SGCG: variants seen among roughly 807,000 people sequenced by gnomAD.
The protein encoded by SGCG is sarcoglycan gamma.
A neutral mutation model predicts 29.3 loss-of-function variants in SGCG; 26 were observed. That is an observed-to-expected ratio of 0.89 (90% CI 0.65 to 1.23). The LOEUF is 1.23. Ranked by LOEUF, SGCG falls within the 50% of genes most tolerant of loss-of-function variation. The probability of loss-of-function intolerance (pLI) is 0.00; values close to 1 mark genes in which losing one functional copy is unlikely to be tolerated. For synonymous variants in SGCG, 145 were observed against 129.7 expected, an observed-to-expected ratio of 1.12 and a Z score of -0.80; for missense variants, 353 against 356.0, an observed-to-expected ratio of 0.99 and a Z score of 0.07.
intron 3 of SGCG, among the ~76,000 whole-genome samples, chr13:23,240,584 A>G (rs1322993169): frequency 6.6e-6 from 1 of 152,246 alleles, no homozygotes; most frequent in Non-Finnish European, 1.5e-5. Context: ...AACAATCTGA[A>G]TAAATTTAAA....
chr13:23,321,540 C>A (rs1344963935), intron 7 of SGCG, among the ~76,000 whole-genome samples: 1 of 152,160 alleles, frequency 6.6e-6, no homozygotes, highest in Non-Finnish European at 1.5e-5. Flanking sequence ...ACACAAGTAC[C>A]ACAATAACTT....
At chr13:23,310,639 C>T (rs994171917) in intron 6 of SGCG, among the ~76,000 whole-genome samples, 1 of 152,066 alleles carries the variant, frequency 6.6e-6, no homozygotes, top group Non-Finnish European at 1.5e-5. Flanking sequence ...TGCCACATTT[C>T]TATCATTTTG....
At chr13:23,160,761 C>G in the SGCG span, among the ~76,000 whole-genome samples, 1 of 152,288 alleles carries the variant, frequency 6.6e-6, no homozygotes, top group Non-Finnish European at 1.5e-5. Context: ...GTCCCTATGC[C>G]GGTTCCAGCC....
At chr13:23,228,622 C>T (rs923333874) in intron 2 of SGCG, among the ~76,000 whole-genome samples, 10 of 152,126 alleles carry the variant, frequency 6.6e-5, no homozygotes, top group Admixed American at 3.3e-4. Context: ...CTCCTCCCAC[C>T]CTCCACCCTC....
intron 2 of SGCG, among the ~76,000 whole-genome samples, chr13:23,215,977 TC>T (rs1878410800): frequency 6.7e-6 from 1 of 150,182 alleles, no homozygotes. Context: ...ATGACAGTAC[TC>T]AGAAAACGAG....
rs1311419355 is a variant in SGCG at position 23,324,332 on chromosome 13, T to C, written c.703-36T>C. ...ATTTGCTGCTGACCAGGGTGGCCCT[T>C]CCTTAACTCTTCGTCTCTCATCTTC... On this transcript the variant is annotated intron_variant, in intron 7 of 7. Coordinates refer to ENST00000218867, the MANE Select transcript of SGCG (RefSeq NM_000231.3). 3 of 1,609,272 alleles carry C rather than the reference T, an allele frequency of 1.9e-6. No homozygotes were observed. In the South Asian group the frequency reaches 3.3e-5, roughly 18 times the overall value.
At chr13:23,321,876 C>G (rs991636616) in intron 7 of SGCG, among the ~76,000 whole-genome samples, 1 of 151,386 alleles carries the variant, frequency 6.6e-6, no homozygotes, top group Non-Finnish European at 1.5e-5. Context: ...GCACACAGTG[C>G]TCAATACTGA....
At chr13:23,200,383 C>T (rs511488) in intron 1 of SGCG, among the ~76,000 whole-genome samples, 35,872 of 152,072 alleles carry the variant, frequency 0.24, 4,469 homozygotes, top group Middle Eastern at 0.29. Context: ...GAGATCACGC[C>T]ACTGCAGTCC....
intron 1 of SGCG, among the ~76,000 whole-genome samples, chr13:23,193,338 T>C (rs140299037): frequency 2.6e-5 from 4 of 152,290 alleles, no homozygotes; most frequent in African/African-American, 9.6e-5. Context: ...AGGGCAGCAA[T>C]GGTCCTCTTG....
chr13:23,320,673 C>T lies in SGCG; in HGVS notation c.615C>T (p.Ala205=). Residue 205 remains alanine (A), a synonymous_variant, in exon 7 of 8, where the codon GCC becomes GCT. Coordinates refer to ENST00000218867, the MANE Select transcript of SGCG (RefSeq NM_000231.3). Reference sequence around the variant, plus strand: ...CCACTCGGAGTCTAAGCATGGATGCCCCAAGGGGTGTGCATATTCAAGCTC... The same window carrying T: ...CCACTCGGAGTCTAAGCATGGATGCTCCAAGGGGTGTGCATATTCAAGCTC... The part of the protein sequence containing the change: ...ESPTRSLSMD[A]PRGVHIQAHA... 1 of 1,607,036 alleles carries T rather than the reference C, an allele frequency of 6.2e-7. No homozygotes were observed. The highest frequency in any genetic ancestry group is 8.5e-7 in the Non-Finnish European group (1 of 1,176,404).
intron 6 of SGCG, among the ~76,000 whole-genome samples, chr13:23,295,977 G>C (rs1312815167): frequency 6.6e-6 from 1 of 151,484 alleles, no homozygotes; most frequent in Non-Finnish European, 1.5e-5. Flanking sequence ...TGCACTGACT[G>C]TTGCATCTCC....
intron 2 of SGCG, among the ~76,000 whole-genome samples, chr13:23,220,178 C>T (rs1878602845): frequency 6.6e-6 from 1 of 151,850 alleles, no homozygotes; most frequent in Admixed American, 6.6e-5. Flanking sequence ...TATGGCTGGG[C>T]GCAGTGGCTC....
intron 2 of SGCG, among the ~76,000 whole-genome samples, chr13:23,227,375 A>G (rs1271978361): frequency 2.0e-5 from 3 of 151,764 alleles, no homozygotes; most frequent in South Asian, 2.1e-4. Flanking sequence ...CGGAACAACT[A>G]TAACTCTCCT....
intron 4 of SGCG, among the ~76,000 whole-genome samples, chr13:23,254,877 A>G (rs747417325): frequency 2.0e-5 from 3 of 152,250 alleles, no homozygotes; most frequent in Non-Finnish European, 4.4e-5. Flanking sequence ...AAGCCTTGGT[A>G]GCTTCCACAT....
At chr13:23,268,844 A>T (rs550506828) in intron 4 of SGCG, 1 of 151,934 alleles carries the variant, frequency 6.6e-6, no homozygotes, top group Admixed American at 6.6e-5. Flanking sequence ...ACTGAAATAA[A>T]CAGCATTGAT....
chr13:23,224,986 C>T (rs1027213420), intron 2 of SGCG, among the ~76,000 whole-genome samples: 2 of 152,148 alleles, frequency 1.3e-5, no homozygotes, highest in Non-Finnish European at 2.9e-5. Context: ...GCAGTAGCAG[C>T]ACCCACTACG....
At chr13:23,271,208 T>C (rs1440134865) in intron 4 of SGCG, among the ~76,000 whole-genome samples, 1 of 151,902 alleles carries the variant, frequency 6.6e-6, no homozygotes, top group Admixed American at 6.6e-5. Flanking sequence ...TGAGACTCTG[T>C]CTCCAAAAAA....
intron 5 of SGCG, among the ~76,000 whole-genome samples, chr13:23,290,206 C>G (rs376401142): frequency 1.1e-4 from 17 of 152,096 alleles, no homozygotes; most frequent in Admixed American, 1.1e-3. Context: ...ATTTTAGACA[C>G]GTAAATTGAA....
intron 2 of SGCG, among the ~76,000 whole-genome samples, chr13:23,232,613 T>G (rs1879153847): frequency 2.0e-5 from 3 of 152,084 alleles, no homozygotes; most frequent in Non-Finnish European, 4.4e-5. Context: ...AAACCCTGTC[T>G]CTATTAAAAA....
Sources: gnomAD v4.1 joint callset for allele counts (sites outside exome capture counted in the v4.1 genomes callset) on GRCh38, gnomAD v4.1.1 for gene constraint, MANE v1.5 for transcripts, NCBI Gene and HGNC (gene_info 2026-07-23, HGNC 2026-07-21) for gene names.